Variants in MTMR12 observed in about 807,000 individuals in gnomAD.
MTMR12 encodes myotubularin-related protein 12.
In MTMR12, 33 loss-of-function variants were observed where a neutral mutation model predicts 96.7. That is an observed-to-expected ratio of 0.34 (90% CI 0.26 to 0.46). The LOEUF (loss-of-function observed/expected upper bound fraction) is 0.46, where lower values mean the gene tolerates loss of function less well. MTMR12 is among the 20% of genes least tolerant of loss of function. The probability of loss-of-function intolerance (pLI) is 1.00; values close to 1 mark genes in which losing one functional copy is unlikely to be tolerated. For missense variants in MTMR12, 721 were observed against 896.1 expected (o/e 0.80, Z 2.49); for synonymous variants, 298 against 327.2 (o/e 0.91, Z 0.96).
intron 1 of MTMR12, among the ~76,000 whole-genome samples, chr5:32,302,019 G>A (rs1751169159): frequency 6.6e-6 from 1 of 152,168 alleles, no homozygotes; most frequent in Non-Finnish European, 1.5e-5. Flanking sequence ...ACAAGAGGAA[G>A]GTCATCTTCA....
intron 8 of MTMR12, among the ~76,000 whole-genome samples, chr5:32,252,459 T>C (rs1319954123): frequency 2.6e-5 from 4 of 152,252 alleles, no homozygotes; most frequent in Admixed American, 6.5e-5. Context: ...CCTATGCACC[T>C]ACTGCAAATT....
Position 32,255,742 on chromosome 5 carries a change from G to C in MTMR12, c.740C>G (p.Thr247Ser), listed in dbSNP as rs553186404. 6.2e-6 allele frequency: 10 copies of C among 1,612,852 alleles called. No homozygotes were observed. Among genetic ancestry groups the C allele is most frequent in the Non-Finnish European group, 8.5e-6 (10 of 1,179,602 alleles). The change falls in exon 8 of 16, where the codon ACC (threonine) becomes AGC (serine). Residue 247 changes from threonine to serine, a missense_variant. Transcript: ENST00000382142. ...CTGCACATTCTCTTCAGGAAGAGGG[G>C]TGGGGACAACAAAGTATGCTGGCAA... ...ERLPAYFVVPTPLPEENVQRF... is the reference protein window; with the variant it reads ...ERLPAYFVVPSPLPEENVQRF...
At position 32,232,372 on chromosome 5, in the gene MTMR12, C is replaced by T. The variant is rs546316848; in HGVS notation, c.1674+1401G>A. ...TTAGCTAGTGCAACCTGAAATTCTC[C>T]ACCCCTTCAGCTCAGTCCTTTCCCA... On this transcript the variant is annotated intron_variant, in intron 15 of 15. Coordinates refer to ENST00000382142, the MANE Select transcript of MTMR12 (RefSeq NM_001040446.3). Among the ~76,000 whole-genome samples the T allele has an allele frequency of 2.7e-3, 409 of 152,372 alleles. 1 individual carries two copies. The highest frequency in any genetic ancestry group is 4.9e-3 in the Non-Finnish European group (334 of 68,038).
At chr5:32,248,909 C>A in intron 8 of MTMR12, 31 bp from the exon 9 acceptor site, 1 of 1,536,082 alleles carries the variant, frequency 6.5e-7, no homozygotes, top group Non-Finnish European at 9.0e-7. Context: ...TTACCAGATA[C>A]AATAAACACA....
chr5:32,309,898 C>T (rs1016124616), intron 1 of MTMR12: 4 of 152,104 alleles, frequency 2.6e-5, no homozygotes, highest in Admixed American at 2.6e-4. Flanking sequence ...AACCTTCATA[C>T]GCTGTTGGTG....
rs561954044 is a variant in MTMR12, at chr5:32,266,577, A to G, written c.583+2124T>C. Among the ~76,000 whole-genome samples, 12 of 152,128 alleles carry G rather than the reference A, an allele frequency of 7.9e-5. No homozygotes were observed. The South Asian group carries it at 2.5e-3, about 32-fold the overall frequency. ...GTGGCATGCGCCTGTAATCCTAGCT[A>G]ATCAGGAGGCTGAGGCAGGAGAATC... On this transcript the variant is annotated intron_variant, in intron 6 of 15. Coordinates refer to ENST00000382142, the MANE Select transcript of MTMR12 (RefSeq NM_001040446.3).
Position 32,228,558 on chromosome 5 carries a change from T to TATATATATC in MTMR12, c.*1219_*1220insGATATATAT, listed in dbSNP as rs1561726718. 6.9e-5 allele frequency: 8 copies of TATATATATC among 116,458 alleles called. No homozygotes were observed. Among genetic ancestry groups the TATATATATC allele is most frequent in the Non-Finnish European group, 1.4e-4 (8 of 55,180 alleles). The allele number at this position is 116,458 out of a possible 1,614,324, so 7.2% of individuals were successfully genotyped here. On this transcript the variant is annotated 3_prime_UTR_variant, in exon 16 of 16. Transcript: ENST00000382142. ...TGATATATATATCATATATATGTGA[T>TATATATATC]ATATATATATCATATATATATCATA...
Position 32,302,074 on chromosome 5 carries a change from T to C in MTMR12, c.81+10684A>G, listed in dbSNP as rs76586030. 3.3e-5 allele frequency among the ~76,000 whole-genome samples: 5 copies of C among 152,312 alleles called. No homozygotes were observed. The East Asian group carries it at 9.6e-4, about 29-fold the overall frequency. ...CCAGGGCTTCCCTTGCCCCCACTTA[T>C]ACATAAGCCCTATCTTACGGCTGAA... On this transcript the variant is annotated intron_variant, in intron 1 of 15. Coordinates refer to ENST00000382142, the MANE Select transcript of MTMR12 (RefSeq NM_001040446.3).
chr5:32,253,469 G>C (rs935087257), intron 8 of MTMR12, among the ~76,000 whole-genome samples: 1 of 152,228 alleles, frequency 6.6e-6, no homozygotes, highest in Non-Finnish European at 1.5e-5. Flanking sequence ...GAGAAAGAGA[G>C]AGAGAGATTG....
intron 10 of MTMR12, among the ~76,000 whole-genome samples, chr5:32,244,757 C>T (rs559463965): frequency 1.3e-5 from 2 of 152,308 alleles, no homozygotes; most frequent in Admixed American, 6.5e-5. Context: ...GCTGTTTCCC[C>T]TGCAAGAATA....
chr5:32,302,722 TAAA>T, intron 1 of MTMR12, among the ~76,000 whole-genome samples: 1 of 93,456 alleles, frequency 1.1e-5, no homozygotes. Flanking sequence ...AGACTCCGTA[TAAA>T]AAAAAAAAAA....
rs1163837456 is a variant in MTMR12, at chr5:32,248,892, T to C, written c.790-14A>G. 1 of 1,601,364 alleles carries C rather than the reference T, an allele frequency of 6.2e-7. No homozygotes were observed. The highest frequency in any genetic ancestry group is 8.6e-7 in the Non-Finnish European group (1 of 1,168,486). ...CCAACACCATATCTGTAGAAACAAA[T>C]AAAGCTTTACCAGATACAATAAACA... is the stretch of plus-strand genomic sequence containing the variant. On this transcript the variant is annotated splice_polypyrimidine_tract_variant and intron_variant, in intron 8 of 15. Coordinates refer to ENST00000382142, the MANE Select transcript of MTMR12 (RefSeq NM_001040446.3).
chr5:32,239,197 G>C (rs1381639470), intron 12 of MTMR12, 24 bp from the exon 13 acceptor site: 2 of 1,532,040 alleles, frequency 1.3e-6, no homozygotes, highest in African/African-American at 2.7e-5. Flanking sequence ...CAGCAGCAGT[G>C]CAAAGAGGAA....
In MTMR12 at chr5:32,255,745, G is replaced by A; in HGVS notation, c.737C>T (p.Pro246Leu). Residue 246 changes from proline to leucine, a missense_variant, in exon 8 of 16, where the codon CCC (proline) becomes CTC (leucine). Coordinates refer to ENST00000382142, the MANE Select transcript of MTMR12 (RefSeq NM_001040446.3). ...CERLPAYFVV[P>L]TPLPEENVQR... ...CACATTCTCTTCAGGAAGAGGGGTGGGGACAACAAAGTATGCTGGCAATCT... is the reference window on the plus strand; with the variant it reads ...CACATTCTCTTCAGGAAGAGGGGTGAGGACAACAAAGTATGCTGGCAATCT... 6.2e-7 allele frequency: 1 copy of A among 1,612,770 alleles called. No homozygotes were observed. Among genetic ancestry groups the A allele is most frequent in the Non-Finnish European group, 8.5e-7 (1 of 1,179,532 alleles).
At chr5:32,238,921 C>G in intron 13 of MTMR12, 80 bp downstream of exon 13, 1 of 1,383,112 alleles carries the variant, frequency 7.2e-7, no homozygotes, top group East Asian at 2.5e-5. Context: ...AGCAATCCTA[C>G]TACATCTGAT....
At chr5:32,268,821 A>C (rs1261424321) in intron 5 of MTMR12, 27 bp from the exon 6 acceptor site, 1 of 1,573,844 alleles carries the variant, frequency 6.4e-7, no homozygotes, top group Non-Finnish European at 8.7e-7. Flanking sequence ...CAATGGATAT[A>C]GTTATGGTTT....
chr5:32,244,812 TAGTTA>T (rs1748615829), intron 10 of MTMR12, among the ~76,000 whole-genome samples: 2 of 152,228 alleles, frequency 1.3e-5, no homozygotes, highest in Non-Finnish European at 2.9e-5. Flanking sequence ...ACGACTAGCA[TAGTTA>T]ATATATACAA....
intron 1 of MTMR12, among the ~76,000 whole-genome samples, chr5:32,297,893 C>T (rs1251554716): frequency 1.3e-5 from 2 of 152,178 alleles, no homozygotes; most frequent in Admixed American, 6.5e-5. Flanking sequence ...CACCCAAAGA[C>T]GGTTGGCAAG....
intron 1 of MTMR12, among the ~76,000 whole-genome samples, chr5:32,293,485 C>T (rs1254719544): frequency 1.3e-5 from 2 of 152,158 alleles, no homozygotes; most frequent in Non-Finnish European, 2.9e-5. Context: ...TCTCCTTGCT[C>T]CTCAGACTTG....
Sources: gnomAD v4.1 joint callset for allele counts (sites outside exome capture counted in the v4.1 genomes callset) on GRCh38, gnomAD v4.1.1 for gene constraint, MANE v1.5 for transcripts, NCBI Gene and HGNC (gene_info 2026-07-23, HGNC 2026-07-21) for gene names.